The following LZTFL1 variants were observed in gnomAD, a reference collection of about 807,000 sequenced individuals.
LZTFL1 encodes the protein leucine zipper transcription factor-like protein 1.
In LZTFL1, 25 loss-of-function variants were observed where a neutral mutation model predicts 45.9. That is an observed-to-expected ratio of 0.54 (90% CI 0.40 to 0.76). LZTFL1 has a LOEUF of 0.76. Among genes scored for constraint, LZTFL1 ranks in the 30% least tolerant of loss-of-function variants. The probability of loss-of-function intolerance (pLI) is 0.00; values close to 1 mark genes in which losing one functional copy is unlikely to be tolerated. For missense variants in LZTFL1, 277 were observed against 331.1 expected, an observed-to-expected ratio of 0.84 and a Z score of 1.27; for synonymous variants, 93 against 117.4, an observed-to-expected ratio of 0.79 and a Z score of 1.35.
chr3:45,843,402 G>A (rs886130766), upstream of LZTFL1, among the ~76,000 whole-genome samples: 6 of 152,152 alleles, frequency 3.9e-5, no homozygotes, highest in African/African-American at 1.4e-4. Flanking sequence ...TTCACATAGT[G>A]AGAGGGTCAC....
rs765212600 is a variant in LZTFL1, at chr3:45,831,063, T to C, written c.522+10A>G. The C allele has an allele frequency of 6.2e-7, 1 of 1,608,996 alleles. No homozygotes were observed. Among genetic ancestry groups the C allele is most frequent in the South Asian group, 1.1e-5 (1 of 90,322 alleles). On this transcript the variant is annotated intron_variant, in intron 6 of 9. Coordinates refer to ENST00000296135, the MANE Select transcript of LZTFL1 (RefSeq NM_020347.4). ...AGTTCAATAATTGTGTCAAAACATT[T>C]CTCAGTTACCTGTATTTCAATGGTC...
rs1017569264 is a variant in LZTFL1 at position 45,896,678 on chromosome 3, G to T, written c.-215+16442C>A. On this transcript the variant is annotated intron_variant, in intron 2 of 4. Coordinates refer to the LZTFL1 transcript ENST00000472635. ...TGAATGTCAAAGCACTGAAATCCAG[G>T]TCTCAATGTTGGGATTTAATACTTT... Among the ~76,000 whole-genome samples the T allele has an allele frequency of 3.9e-5, 6 of 152,222 alleles. No individual in the cohort carries two copies. In the East Asian group the frequency reaches 1.2e-3, roughly 29 times the overall value.
intron 2 of LZTFL1, among the ~76,000 whole-genome samples, chr3:45,898,810 C>T (rs532025608): frequency 1.3e-5 from 2 of 152,334 alleles, no homozygotes; most frequent in South Asian, 2.1e-4. Context: ...CATTGTTAAA[C>T]AAAATTCAAC....
chr3:45,830,738 C>A (rs1266867014), intron 7 of LZTFL1, among the ~76,000 whole-genome samples, 175 bp downstream of exon 7: 1 of 152,154 alleles, frequency 6.6e-6, no homozygotes, highest in African/African-American at 2.4e-5. Flanking sequence ...GGGAAGGTCA[C>A]TGGTTCTCAC....
chr3:45,835,919 T>A, intron 2 of LZTFL1, 135 bp from the exon 3 acceptor site: 1 of 556,572 alleles, frequency 1.8e-6, no homozygotes, highest in South Asian at 3.1e-5. Context: ...CTGGGAACTA[T>A]CTTCTTTATT....
chr3:45,915,687 C>G (rs192732352), upstream of LZTFL1: 1 of 341,674 alleles, frequency 2.9e-6, no homozygotes, highest in East Asian at 7.8e-5. Flanking sequence ...GGGCTGTCAA[C>G]TCTTAGATAA....
At chr3:45,881,023 G>A (rs1701847659) in intron 2 of LZTFL1, among the ~76,000 whole-genome samples, 6 of 152,256 alleles carry the variant, frequency 3.9e-5, no homozygotes, top group Admixed American at 3.9e-4. Flanking sequence ...GATAATGCGT[G>A]TGAGGGCAGA....
chr3:45,858,299 C>T (rs761596885), intron 3 of LZTFL1, among the ~76,000 whole-genome samples: 1 of 152,140 alleles, frequency 6.6e-6, no homozygotes, highest in Admixed American at 6.5e-5. Context: ...CTGAAAAATT[C>T]CACAAGGCTT....
chr3:45,832,849 G>A (rs1700865799), intron 5 of LZTFL1: 1 of 462,412 alleles, frequency 2.2e-6, no homozygotes, highest in African/African-American at 2.0e-5. Context: ...CCTTGAAAAG[G>A]TGTGATCAGG....
rs145338853 is a variant in LZTFL1 at position 45,901,703 on chromosome 3, C to T, written c.-215+11417G>A. On this transcript the variant is annotated intron_variant, in intron 2 of 4. Transcript: ENST00000472635. The surrounding 1 kb of genome is among the most constrained non-coding windows in gnomAD (Gnocchi z 4.3). ...TCTGCTTCCAGGTCACCCAGACCAT[C>T]GCCTTCTTCCACAGTTGCCTGAACC... 5.6e-5 allele frequency: 90 copies of T among 1,614,170 alleles called. No homozygotes were observed. The highest frequency in any genetic ancestry group is 1.7e-4 in the African/African-American group (13 of 75,056).
intron 2 of LZTFL1, among the ~76,000 whole-genome samples, chr3:45,877,493 C>G (rs1553615502): frequency 6.6e-6 from 1 of 152,086 alleles, no homozygotes; most frequent in Non-Finnish European, 1.5e-5. Flanking sequence ...CTCGGCCCCC[C>G]AAAGTGTTGG....
chr3:45,841,326 ATGAC>A (rs1701105654), intron 1 of LZTFL1, among the ~76,000 whole-genome samples: 1 of 152,242 alleles, frequency 6.6e-6, no homozygotes, highest in South Asian at 2.1e-4. Flanking sequence ...TGTTCTAAGT[ATGAC>A]TGGTATTTAA....
At chr3:45,881,556 G>A (rs935133881) in intron 2 of LZTFL1, among the ~76,000 whole-genome samples, 1 of 152,046 alleles carries the variant, frequency 6.6e-6, no homozygotes, top group Non-Finnish European at 1.5e-5. Context: ...CGACCTTCAA[G>A]GGCTATTCAT....
chr3:45,909,663 G>A (rs1014195596), intron 2 of LZTFL1, among the ~76,000 whole-genome samples: 1 of 152,224 alleles, frequency 6.6e-6, no homozygotes, highest in South Asian at 2.1e-4. Context: ...CCTCTGTGTG[G>A]TTAGGCCACC....
intron 1 of LZTFL1, among the ~76,000 whole-genome samples, chr3:45,915,145 C>T (rs771922730): frequency 6.6e-5 from 10 of 152,294 alleles, no homozygotes; most frequent in South Asian, 2.1e-4. Flanking sequence ...CATTAAAGTG[C>T]TGCCTCCACC....
intron 2 of LZTFL1, chr3:45,884,012 A>G: frequency 3.8e-6 from 1 of 261,776 alleles, no homozygotes; most frequent in South Asian, 7.2e-5. Context: ...GGTCCTGAAG[A>G]AATCCTGAGA....
intron 2 of LZTFL1, among the ~76,000 whole-genome samples, chr3:45,876,621 A>G (rs557082480): frequency 1.3e-5 from 2 of 152,174 alleles, no homozygotes; most frequent in African/African-American, 4.8e-5. Context: ...TCTTTCCTGT[A>G]TTAGTTCTTT....
chr3:45,851,710 C>T (rs1317833785), intron 4 of LZTFL1, among the ~76,000 whole-genome samples: 10 of 151,830 alleles, frequency 6.6e-5, no homozygotes, highest in South Asian at 2.1e-4. Context: ...CAGCCAGGTG[C>T]GGTGGCTCAC....
intron 2 of LZTFL1, among the ~76,000 whole-genome samples, chr3:45,904,965 C>A (rs2125767739): frequency 6.6e-6 from 1 of 152,286 alleles, no homozygotes; most frequent in East Asian, 1.9e-4. Context: ...CTGAAGTTGG[C>A]CACTCCAGCT....
Sources: allele counts gnomAD v4.1 joint callset (sites outside exome capture counted in the v4.1 genomes callset), GRCh38; gene constraint gnomAD v4.1.1; non-coding constraint Gnocchi (gnomAD v3.1); transcripts MANE v1.5; gene names NCBI Gene and HGNC (gene_info 2026-07-23, HGNC 2026-07-21).